FAM81A: variants seen among roughly 807,000 people sequenced by gnomAD.
FAM81A encodes the protein family with sequence similarity 81 member A.
Under a neutral mutation model 46.7 loss-of-function variants are expected in FAM81A, and 19 were observed. The ratio of observed to expected loss-of-function variants is 0.41; its 90% confidence interval spans 0.28 to 0.60. The LOEUF (loss-of-function observed/expected upper bound fraction) is 0.60. Ranked by LOEUF, FAM81A falls within the 20% of genes least tolerant of loss-of-function variation. The pLI, the probability that FAM81A is intolerant of heterozygous loss-of-function variation, is 0.34. For missense variants in FAM81A, 377 were observed against 453.5 expected, an observed-to-expected ratio of 0.83 and a Z score of 1.53; for synonymous variants, 183 against 152.9, an observed-to-expected ratio of 1.20 and a Z score of -1.45.
chr15:59,502,823 T>A (rs1480645390), intron 4 of FAM81A, among the ~76,000 whole-genome samples: 2 of 151,886 alleles, frequency 1.3e-5, no homozygotes, highest in African/African-American at 4.8e-5. Context: ...GCCAGCCGTG[T>A]TTTCTAATGG....
chr15:59,440,004 C>A (rs765712848), intron 1 of FAM81A: 2 of 152,230 alleles, frequency 1.3e-5, no homozygotes, highest in Non-Finnish European at 2.9e-5. Context: ...AACAACTTGC[C>A]GCAGAAGAGC....
chr15:59,412,494 G>A lies in FAM81A; in HGVS notation c.-78+10136G>A, dbSNP rs187586778. ...TAATCCCAACGCTTTGGGAGGCTGA[G>A]GCTGGTGGATCTCTTGAGCCCAGGA... On this transcript the variant is annotated intron_variant, in intron 2 of 4. Transcript: ENST00000558348. Among the ~76,000 whole-genome samples the A allele has an allele frequency of 1.4e-4, 22 of 152,270 alleles. No individual in the cohort carries two copies. In the East Asian group the frequency reaches 4.2e-3, roughly 29 times the overall value.
chr15:59,409,480 G>T (rs760479268), intron 2 of FAM81A, among the ~76,000 whole-genome samples: 4 of 151,956 alleles, frequency 2.6e-5, no homozygotes, highest in Non-Finnish European at 5.9e-5. Flanking sequence ...TCTCTTCTTG[G>T]CAGGAACAAA....
At chr15:59,432,961 C>T (rs1301690333) in intron 2 of FAM81A, among the ~76,000 whole-genome samples, 1 of 139,476 alleles carries the variant, frequency 7.2e-6, no homozygotes, top group Non-Finnish European at 1.6e-5. Context: ...CGGTGAAACC[C>T]CGTCTCTATT....
chr15:59,413,191 A>T (rs1463402783), intron 2 of FAM81A, among the ~76,000 whole-genome samples: 1 of 152,016 alleles, frequency 6.6e-6, no homozygotes, highest in Non-Finnish European at 1.5e-5. Flanking sequence ...AGATGGGGGA[A>T]CATGGCTTAC....
chr15:59,502,413 G>A (rs1334549817), intron 4 of FAM81A, among the ~76,000 whole-genome samples: 1 of 151,456 alleles, frequency 6.6e-6, no homozygotes, highest in Non-Finnish European at 1.5e-5. Flanking sequence ...TCCCACCTAT[G>A]AGTGAGAATA....
In FAM81A at chr15:59,493,792, T is replaced by TG. The variant is rs2082006061; in HGVS notation, c.413+1405dup. Among the ~76,000 whole-genome samples the TG allele has an allele frequency of 4.6e-5, 7 of 152,282 alleles. No individual in the cohort carries two copies. The South Asian group carries it at 1.5e-3, about 32-fold the overall frequency. The stretch of plus-strand genomic sequence containing the variant: ...TAGTAGAGATGAGGTTTTACCATGT[T>TG]GGCCAGGCTGGCTTCTAACTCCTGA... On this transcript the variant is annotated intron_variant, in intron 4 of 8. Transcript: ENST00000288228.
intron 4 of FAM81A, among the ~76,000 whole-genome samples, chr15:59,506,402 C>G (rs2082149253): frequency 6.6e-6 from 1 of 152,064 alleles, no homozygotes; most frequent in Non-Finnish European, 1.5e-5. Context: ...CCTTTTGAAC[C>G]TGCTTGAACC....
At chr15:59,437,738 G>A (rs1163539483), upstream of FAM81A, among the ~76,000 whole-genome samples, 4 of 152,142 alleles carry the variant, frequency 2.6e-5, no homozygotes, top group African/African-American at 9.7e-5. Context: ...TGGGAAAGCG[G>A]TTTAGTAAAT....
chr15:59,416,925 T>G (rs555694086), intron 2 of FAM81A, among the ~76,000 whole-genome samples: 34 of 152,156 alleles, frequency 2.2e-4, no homozygotes, highest in Admixed American at 8.5e-4. Flanking sequence ...TACAGGAAGG[T>G]GCATAGTTTT....
chr15:59,488,432 AAAG>A (rs1408856823), intron 3 of FAM81A, among the ~76,000 whole-genome samples: 2 of 150,724 alleles, frequency 1.3e-5, no homozygotes, highest in African/African-American at 2.5e-5. Context: ...CAATCAGACA[AAAG>A]AAAGAAAGAA....
chr15:59,486,862 G>A (rs943911128), intron 3 of FAM81A, among the ~76,000 whole-genome samples: 1 of 152,042 alleles, frequency 6.6e-6, no homozygotes, highest in Admixed American at 6.6e-5. Flanking sequence ...TCAACACCAG[G>A]CCTGTCCTAC....
At chr15:59,458,739 G>T in intron 2 of FAM81A, 93 bp downstream of exon 2, 1 of 1,244,298 alleles carries the variant, frequency 8.0e-7, no homozygotes, top group Non-Finnish European at 1.2e-6. Context: ...TCGGAGAATG[G>T]TTTTGTTCAA....
intron 2 of FAM81A, among the ~76,000 whole-genome samples, chr15:59,409,388 C>G (rs1435927722): frequency 6.6e-6 from 1 of 152,182 alleles, no homozygotes; most frequent in Non-Finnish European, 1.5e-5. Context: ...AGAAAAATCC[C>G]TCTTCCATCC....
At chr15:59,432,281 G>T (rs1449543105) in intron 2 of FAM81A, among the ~76,000 whole-genome samples, 1 of 152,254 alleles carries the variant, frequency 6.6e-6, no homozygotes, top group South Asian at 2.1e-4. Flanking sequence ...GTAAGTACAC[G>T]AATCTTCACT....
chr15:59,438,644 C>T (rs2081263190), intron 1 of FAM81A: 1 of 152,248 alleles, frequency 6.6e-6, no homozygotes, highest in African/African-American at 2.4e-5. Context: ...GGTTAACCAT[C>T]TGCTCTTCCG....
At chr15:59,459,372 T>G (rs1425180203) in intron 2 of FAM81A, among the ~76,000 whole-genome samples, 1 of 152,216 alleles carries the variant, frequency 6.6e-6, no homozygotes, top group Non-Finnish European at 1.5e-5. Flanking sequence ...ATTTGCTAGC[T>G]TTTCTTGAGA....
intron 2 of FAM81A, among the ~76,000 whole-genome samples, chr15:59,423,704 A>T (rs1195507114): frequency 6.6e-6 from 1 of 152,216 alleles, no homozygotes; most frequent in African/African-American, 2.4e-5. Context: ...AAATACAGAA[A>T]TTTTTATAGA....
At chr15:59,496,005 A>AAAATTTTTAATCTTGCTT (rs1192795501) in intron 4 of FAM81A, among the ~76,000 whole-genome samples, 3 of 152,164 alleles carry the variant, frequency 2.0e-5, no homozygotes, top group Non-Finnish European at 4.4e-5. Flanking sequence ...TTGAAACTTA[A>AAAATTTTTAATCTTGCTT]AAATTTTTAA....
Sources: gnomAD v4.1 joint callset for allele counts (sites outside exome capture counted in the v4.1 genomes callset) on GRCh38, gnomAD v4.1.1 for gene constraint, MANE v1.5 for transcripts, NCBI Gene and HGNC (gene_info 2026-07-23, HGNC 2026-07-21) for gene names.